Variants in GSE1 observed in about 807,000 individuals in gnomAD.
GSE1 encodes genetic suppressor element 1.
GSE1 carries 32 observed loss-of-function variants against 112.6 expected under a neutral mutation model. The observed-to-expected ratio is 0.28, with a 90% CI of 0.21 to 0.38. The LOEUF is 0.38. GSE1 is among the 10% of genes least tolerant of loss of function. GSE1 has a pLI of 1.00. For synonymous variants in GSE1, 1,115 were observed against 735.6 expected, an observed-to-expected ratio of 1.52 and a Z score of -8.35; for missense variants, 2,348 against 1,699.2, an observed-to-expected ratio of 1.38 and a Z score of -6.71.
upstream of GSE1, among the ~76,000 whole-genome samples, chr16:85,552,261 G>A (rs1405809018): frequency 7.4e-5 from 11 of 149,182 alleles, no homozygotes; most frequent in African/African-American, 2.7e-4. Flanking sequence ...TCCTGACCTC[G>A]TGATCCGTCC....
At chr16:85,514,289 A>G (rs1019998128) in intron 2 of GSE1, among the ~76,000 whole-genome samples, 3 of 147,500 alleles carry the variant, frequency 2.0e-5, no homozygotes, top group African/African-American at 7.8e-5. Context: ...GATTCAGGGG[A>G]GAAGGGCCAG....
rs1056936370 is a variant in GSE1, at chr16:85,373,149, C to G, written c.2464+15506C>G. ...GGCAGGTGTCAGCAACAGCAGCAGCCAATGTGGCCATGGGATGCCGGCTCC... is the reference window on the plus strand; with the variant it reads ...GGCAGGTGTCAGCAACAGCAGCAGCGAATGTGGCCATGGGATGCCGGCTCC... On this transcript the variant is annotated intron_variant, in intron 2 of 2. Transcript: ENST00000637419. This position sits in a 1 kb window ranked among gnomAD's most constrained non-coding sequence, Gnocchi z 5.1. Among the ~76,000 whole-genome samples, 3 of 152,250 alleles carry G rather than the reference C, an allele frequency of 2.0e-5. No individual in the cohort carries two copies. Among genetic ancestry groups the G allele is most frequent in the African/African-American group, 7.2e-5 (3 of 41,476 alleles).
intron 2 of GSE1, among the ~76,000 whole-genome samples, chr16:85,548,643 T>C (rs2044790551): frequency 6.6e-6 from 1 of 152,218 alleles, no homozygotes; most frequent in South Asian, 2.1e-4. Context: ...GATTCCTTCG[T>C]CCGTGTTGGA....
chr16:85,546,594 C>T (rs1358686714), intron 2 of GSE1, among the ~76,000 whole-genome samples: 1 of 152,228 alleles, frequency 6.6e-6, no homozygotes, highest in Non-Finnish European at 1.5e-5. Flanking sequence ...TATCTGTACT[C>T]AGAGTCATCC....
At chr16:85,259,297 TCCACC>T (rs1907418587) in intron 1 of GSE1, among the ~76,000 whole-genome samples, 1 of 151,402 alleles carries the variant, frequency 6.6e-6, no homozygotes. Flanking sequence ...CACCCTGTGC[TCCACC>T]CTGGCCCACC....
At chr16:85,464,737 G>A (rs2050077393) in intron 2 of GSE1, among the ~76,000 whole-genome samples, 1 of 152,256 alleles carries the variant, frequency 6.6e-6, no homozygotes, top group Non-Finnish European at 1.5e-5. Context: ...TCCAGGTGCA[G>A]AGGCCACCTG....
At chr16:85,501,830 A>T (rs2051378608) in intron 2 of GSE1, among the ~76,000 whole-genome samples, 1 of 152,208 alleles carries the variant, frequency 6.6e-6, no homozygotes, top group South Asian at 2.1e-4. Context: ...CCCAGCCCCG[A>T]CAGGGCCCTG....
intron 2 of GSE1, among the ~76,000 whole-genome samples, chr16:85,418,307 C>T (rs1372323083): frequency 6.6e-6 from 1 of 152,210 alleles, no homozygotes; most frequent in African/African-American, 2.4e-5. Flanking sequence ...CTGAAAGGTC[C>T]AACCTCCAAG....
chr16:85,177,087 C>G (rs958732252), intron 1 of GSE1, among the ~76,000 whole-genome samples: 2 of 152,262 alleles, frequency 1.3e-5, no homozygotes, highest in Admixed American at 6.5e-5. Flanking sequence ...AGCTGTGCCC[C>G]TCCTAAACCC....
At chr16:85,324,202 G>T (rs1017608226) in intron 1 of GSE1, among the ~76,000 whole-genome samples, 3 of 152,208 alleles carry the variant, frequency 2.0e-5, no homozygotes, top group East Asian at 3.9e-4. Flanking sequence ...TGCACTGTAG[G>T]TACCCAAGAG....
intron 2 of GSE1, among the ~76,000 whole-genome samples, chr16:85,466,658 T>A (rs1597840000): frequency 6.7e-6 from 1 of 148,836 alleles, no homozygotes; most frequent in Non-Finnish European, 1.5e-5. Flanking sequence ...GCGTGCAGAG[T>A]TTCCAGGTTT....
intron 1 of GSE1, among the ~76,000 whole-genome samples, chr16:85,259,938 C>T (rs1907497236): frequency 6.6e-6 from 1 of 152,248 alleles, no homozygotes; most frequent in African/African-American, 2.4e-5. Flanking sequence ...ATGGTGACCA[C>T]TCAAGCACAC....
In GSE1 at chr16:85,507,648, G is replaced by T. The variant is rs114603459; in HGVS notation, c.2465-126266G>T. 2.0e-3 allele frequency among the ~76,000 whole-genome samples: 304 copies of T among 152,168 alleles called. 2 individuals are homozygous for T. Among genetic ancestry groups the T allele is most frequent in the African/African-American group, 7.2e-3 (297 of 41,446 alleles). Reference sequence around the variant, plus strand: ...AACGCCGTGTTCCCTCTGGGTGCAGGTCTGTGTCCACACCTCTTCTTCTTA... The same window carrying T: ...AACGCCGTGTTCCCTCTGGGTGCAGTTCTGTGTCCACACCTCTTCTTCTTA... On this transcript the variant is annotated intron_variant, in intron 2 of 2. Coordinates refer to the GSE1 transcript ENST00000637419.
chr16:85,228,336 C>G (rs961037025), intron 1 of GSE1, among the ~76,000 whole-genome samples: 3 of 152,124 alleles, frequency 2.0e-5, no homozygotes, highest in African/African-American at 7.2e-5. Context: ...GGAGGTTGTC[C>G]ACACTGCTTG....
Position 85,657,461 on chromosome 16 carries a change from G to A in GSE1, c.1497G>A (p.Ala499=), listed in dbSNP as rs142627703. ...QRTNEEEKWL[A]RQRRLRQEKE... ...CCAATGAGGAGGAGAAGTGGCTGGC[G>A]CGGCAGCGGCGGCTGCGGCAGGAGA... Residue 499 remains alanine (A), a synonymous_variant, in exon 8 of 16, where the codon GCG becomes GCA. Coordinates refer to ENST00000253458, the MANE Select transcript of GSE1 (RefSeq NM_014615.5). 5.0e-4 allele frequency: 812 copies of A among 1,609,210 alleles called. 1 individual carries two copies. The highest frequency in any genetic ancestry group is 6.6e-4 in the Non-Finnish European group (777 of 1,178,412).
chr16:85,362,226 C>T (rs1048131248), intron 2 of GSE1, among the ~76,000 whole-genome samples: 16 of 152,206 alleles, frequency 1.1e-4, no homozygotes, highest in African/African-American at 3.4e-4. Context: ...CCTCGTGGGG[C>T]GGGTGAGCAG....
At position 85,373,210 on chromosome 16, in the gene GSE1, A is replaced by G. The variant is rs1450720761; in HGVS notation, c.2464+15567A>G. Among the ~76,000 whole-genome samples, 2 of 152,206 alleles carry G rather than the reference A, an allele frequency of 1.3e-5. No individual in the cohort carries two copies. Among genetic ancestry groups the G allele is most frequent in the Non-Finnish European group, 1.5e-5 (1 of 68,032 alleles). On this transcript the variant is annotated intron_variant, in intron 2 of 2. Coordinates refer to the GSE1 transcript ENST00000637419. The surrounding 1 kb of genome is among the most constrained non-coding windows in gnomAD (Gnocchi z 5.1). ...GGGTGGGTGCCAGGCGCCTGGTAGC[A>G]GGCCCAGCTGCCTCGAGGTGCTCCC...
intron 1 of GSE1, among the ~76,000 whole-genome samples, chr16:85,605,675 G>C (rs558627726): frequency 2.0e-5 from 3 of 151,908 alleles, no homozygotes; most frequent in Non-Finnish European, 4.4e-5. Context: ...GGGGGCCACC[G>C]GCTGTGCTCT....
intron 2 of GSE1, among the ~76,000 whole-genome samples, chr16:85,365,044 G>A (rs1388845257): frequency 6.6e-6 from 1 of 152,238 alleles, no homozygotes; most frequent in East Asian, 1.9e-4. Context: ...TGTAGGAAGG[G>A]CTGGGAGCTC....
Sources: allele counts gnomAD v4.1 joint callset (sites outside exome capture counted in the v4.1 genomes callset), GRCh38; gene constraint gnomAD v4.1.1; non-coding constraint Gnocchi (gnomAD v3.1); transcripts MANE v1.5; gene names NCBI Gene and HGNC (gene_info 2026-07-23, HGNC 2026-07-21).